Variants in IQCM observed in about 807,000 individuals in gnomAD.
The protein encoded by IQCM is IQ domain-containing protein M.
IQCM carries 45 observed loss-of-function variants against 57.6 expected under a neutral mutation model. The ratio of observed to expected loss-of-function variants is 0.78; its 90% confidence interval spans 0.62 to 1.00. IQCM has a LOEUF of 1.00. IQCM is among the 50% of genes least tolerant of loss of function. The pLI is 0.00. For synonymous variants in IQCM, 148 were observed against 158.9 expected (o/e 0.93, Z 0.51); for missense variants, 468 against 511.6 (o/e 0.91, Z 0.82).
intron 2 of IQCM, among the ~76,000 whole-genome samples, chr4:149,771,859 T>A (rs1249616011): frequency 6.6e-6 from 1 of 152,186 alleles, no homozygotes; most frequent in Admixed American, 6.5e-5. Flanking sequence ...TATTTTTTAA[T>A]CCTACTAAGG....
chr4:149,773,276 C>T (rs1008913496), intron 2 of IQCM, among the ~76,000 whole-genome samples: 15 of 151,222 alleles, frequency 9.9e-5, no homozygotes, highest in African/African-American at 2.9e-4. Flanking sequence ...GGCGTGAACC[C>T]GGGAGGCAGA....
chr4:149,593,910 A>G (rs1447877333), intron 8 of IQCM, among the ~76,000 whole-genome samples: 1 of 151,988 alleles, frequency 6.6e-6, no homozygotes. Flanking sequence ...ACATTGGTCT[A>G]AAATTCTCTT....
chr4:149,622,882 T>C (rs1756473772), intron 7 of IQCM, among the ~76,000 whole-genome samples: 1 of 152,224 alleles, frequency 6.6e-6, no homozygotes, highest in African/African-American at 2.4e-5. Context: ...TAGATAATCA[T>C]GCTTCTCTTT....
intron 8 of IQCM, among the ~76,000 whole-genome samples, chr4:149,600,264 CTT>C (rs1754154330): frequency 6.6e-6 from 1 of 152,042 alleles, no homozygotes; most frequent in African/African-American, 2.4e-5. Context: ...TAGAGTCTGC[CTT>C]GTGCTTTATG....
chr4:149,746,013 G>T (rs1767896717), intron 2 of IQCM, among the ~76,000 whole-genome samples: 1 of 150,596 alleles, frequency 6.6e-6, no homozygotes, highest in Non-Finnish European at 1.5e-5. Flanking sequence ...CTTTATCATG[G>T]CTCTTATAAT....
intron 7 of IQCM, among the ~76,000 whole-genome samples, chr4:149,624,067 A>T (rs1756584201): frequency 6.6e-6 from 1 of 152,020 alleles, no homozygotes; most frequent in African/African-American, 2.4e-5. Context: ...CTTTCTGCAT[A>T]TCTAATTTGC....
chr4:149,548,640 G>A (rs1369771179), intron 11 of IQCM, 51 bp from the exon 12 acceptor site: 4 of 936,496 alleles, frequency 4.3e-6, no homozygotes, highest in Non-Finnish European at 5.6e-6. Context: ...AATACATCAA[G>A]TAAAAACTTT....
intron 12 of IQCM, among the ~76,000 whole-genome samples, chr4:149,528,373 A>G (rs768846851): frequency 3.3e-5 from 5 of 151,712 alleles, no homozygotes; most frequent in Non-Finnish European, 2.9e-5. Flanking sequence ...CATTTTGTCA[A>G]TCATCACTTA....
At position 149,387,751 on chromosome 4, in the gene IQCM, C is replaced by G. The variant is rs891191405; in HGVS notation, c.1391-35685G>C. ...ATAGTTCAGTGGTGTTTAGTACATT[C>G]GAAATTGTGCAATCTATCATCATAG... On this transcript the variant is annotated intron_variant, in intron 13 of 13. Transcript: ENST00000636793. 3.6e-4 allele frequency among the ~76,000 whole-genome samples: 55 copies of G among 151,940 alleles called. 1 individual carries two copies. The highest frequency in any genetic ancestry group is 3.1e-3 in the Admixed American group (47 of 15,200).
intron 7 of IQCM, among the ~76,000 whole-genome samples, chr4:149,660,854 G>T (rs1307346525): frequency 6.6e-6 from 1 of 151,662 alleles, no homozygotes; most frequent in East Asian, 1.9e-4. Flanking sequence ...AGTGGGGAGG[G>T]ATAGCATTAG....
rs1753602275 is a variant in IQCM, at chr4:149,594,795, GTTTGATT to G, written c.682-6805_682-6799del. 1.2e-4 allele frequency among the ~76,000 whole-genome samples: 18 copies of G among 152,248 alleles called. No homozygotes were observed. In the South Asian group the frequency reaches 3.7e-3, roughly 32 times the overall value. On this transcript the variant is annotated intron_variant, in intron 8 of 13. Transcript: ENST00000636793. ...GTGAGTTTCTTAATCCTGAGTTCTA[GTTTGATT>G]GTACTGTGGTCTGAGAGACAGTTTG...
chr4:149,442,308 A>G (rs574743773), intron 12 of IQCM, among the ~76,000 whole-genome samples: 23 of 152,052 alleles, frequency 1.5e-4, no homozygotes, highest in Non-Finnish European at 2.6e-4. Flanking sequence ...CACAATCTGG[A>G]TGGATTGGAA....
chr4:149,709,969 T>C (rs1183351811), intron 5 of IQCM, among the ~76,000 whole-genome samples: 2 of 151,910 alleles, frequency 1.3e-5, no homozygotes, highest in Non-Finnish European at 2.9e-5. Context: ...AAAAAGGGAG[T>C]GCAACCTCTT....
At chr4:149,678,147 G>C (rs922961333) in intron 7 of IQCM, among the ~76,000 whole-genome samples, 3 of 151,682 alleles carry the variant, frequency 2.0e-5, no homozygotes, top group Admixed American at 2.0e-4. Context: ...TCCAAAACTT[G>C]ATTAAAGATA....
intron 8 of IQCM, among the ~76,000 whole-genome samples, chr4:149,590,146 T>A (rs1435000878): frequency 6.6e-6 from 1 of 151,930 alleles, no homozygotes; most frequent in Non-Finnish European, 1.5e-5. Context: ...TTAGATGTCC[T>A]CTGTGATTCT....
At chr4:149,538,237 A>G (rs1189766920) in intron 12 of IQCM, among the ~76,000 whole-genome samples, 1 of 151,834 alleles carries the variant, frequency 6.6e-6, no homozygotes. Context: ...CAGTAACAAC[A>G]CAAAGGAGGA....
intron 7 of IQCM, among the ~76,000 whole-genome samples, chr4:149,630,754 A>G (rs1757197334): frequency 6.6e-6 from 1 of 152,174 alleles, no homozygotes; most frequent in Admixed American, 6.5e-5. Context: ...TTTTTGTAAT[A>G]CCAATTTCTA....
At chr4:149,764,200 C>G (rs1461028185) in intron 2 of IQCM, among the ~76,000 whole-genome samples, 3 of 152,092 alleles carry the variant, frequency 2.0e-5, no homozygotes, top group Non-Finnish European at 4.4e-5. Context: ...TTATTTCACC[C>G]CCAAGCACTG....
intron 12 of IQCM, among the ~76,000 whole-genome samples, chr4:149,493,264 A>C (rs1161719646): frequency 2.0e-5 from 3 of 152,046 alleles, no homozygotes; most frequent in African/African-American, 4.8e-5. Flanking sequence ...ATTGAGAAAA[A>C]GGGGATCTAG....
Sources: gnomAD v4.1 joint callset for allele counts (sites outside exome capture counted in the v4.1 genomes callset) on GRCh38, gnomAD v4.1.1 for gene constraint, MANE v1.5 for transcripts, NCBI Gene and HGNC (gene_info 2026-07-23, HGNC 2026-07-21) for gene names.